ROR1: variants seen among roughly 807,000 people sequenced by gnomAD.
ROR1 encodes ROR family WNT receptor 1, also known as inactive tyrosine-protein kinase transmembrane receptor ROR1.
A neutral mutation model predicts 78.8 loss-of-function variants in ROR1; 19 were observed. The observed-to-expected ratio is 0.24, with a 90% CI of 0.17 to 0.35. ROR1 has a LOEUF of 0.35. ROR1 is among the 10% of genes least tolerant of loss of function. The pLI is 1.00. For missense variants in ROR1, 917 were observed against 1,177.8 expected, an observed-to-expected ratio of 0.78 and a Z score of 3.24; for synonymous variants, 386 against 433.6, an observed-to-expected ratio of 0.89 and a Z score of 1.36.
rs199711517 is a variant in ROR1 at position 64,178,439 on chromosome 1, G to T, written c.2398G>T (p.Gly800Cys). Residue 800 changes from glycine to cysteine, a missense_variant, in exon 9 of 9, where the codon GGC (glycine) becomes TGC (cysteine). By Grantham distance (159) the Gly-to-Cys change is radical (BLOSUM62 -3). This residue lies in a region of ROR1 where 835 missense variants were observed against 1,069.8 expected (regional missense o/e 0.78). Transcript: ENST00000371079. The surrounding 1 kb of genome is among the most constrained non-coding windows in gnomAD (Gnocchi z 4.3). ...CCCGAGCCAGGGTATTACACCACAG[G>T]GCCAGATTGCTGGTTTCATTGGCCC... is the stretch of plus-strand genomic sequence containing the variant. The part of the protein sequence containing the change: ...MFPSQGITPQ[G>C]QIAGFIGPPI... The T allele has an allele frequency of 5.6e-6, 9 of 1,614,148 alleles. No homozygotes were observed. The highest frequency in any genetic ancestry group is 1.7e-5 in the Admixed American group (1 of 60,016).
Position 64,111,345 on chromosome 1 carries a change from G to C in ROR1, c.483-26024G>C, listed in dbSNP as rs577185572. 5.9e-5 allele frequency: 9 copies of C among 152,298 alleles called. 2 individuals carry two copies. The highest frequency in any genetic ancestry group is 1.9e-4 in the African/African-American group (8 of 41,570). 9.4% of individuals were successfully genotyped at this position (152,298 alleles called of 1,614,324 possible). On this transcript the variant is annotated intron_variant, in intron 4 of 8. Coordinates refer to ENST00000371079, the MANE Select transcript of ROR1 (RefSeq NM_005012.4). Reference sequence around the variant, plus strand: ...CAGGAAATCTGTGTCTCAGCCCCCTGCTCCAAGTTTAGCTCATCCATTACC... The same window carrying C: ...CAGGAAATCTGTGTCTCAGCCCCCTCCTCCAAGTTTAGCTCATCCATTACC...
chr1:63,834,540 T>C (rs1335021884), intron 1 of ROR1, among the ~76,000 whole-genome samples: 1 of 152,230 alleles, frequency 6.6e-6, no homozygotes, highest in Non-Finnish European at 1.5e-5. Context: ...AGCTCTTCTG[T>C]TCTGATGCTT....
chr1:63,897,248 A>G (rs1018149521), intron 1 of ROR1, among the ~76,000 whole-genome samples: 2 of 152,238 alleles, frequency 1.3e-5, no homozygotes, highest in Non-Finnish European at 2.9e-5. Context: ...AACCTTCGAC[A>G]AAATAAAAGG....
intron 1 of ROR1, among the ~76,000 whole-genome samples, chr1:63,934,693 C>T (rs898891195): frequency 6.6e-6 from 1 of 152,034 alleles, no homozygotes; most frequent in African/African-American, 2.4e-5. Context: ...TCAGGGTTTC[C>T]TTTTTTTAAA....
chr1:63,774,456 C>A lies in ROR1; in HGVS notation c.39C>A (p.Leu13=). 4.3e-6 allele frequency: 5 copies of A among 1,173,302 alleles called. No homozygotes were observed. Among genetic ancestry groups the A allele is most frequent in the East Asian group, 4.1e-5 (1 of 24,170 alleles). 72.7% of individuals were successfully genotyped at this position (1,173,302 alleles called of 1,614,324 possible). A position where few individuals can be genotyped will look rare whatever the true frequency, so the allele number is the denominator to read the frequency against. Reference sequence around the variant, plus strand: ...GCCGCCGCGGGACGCGCCCGCCGCTCCTGGCGCTGCTGGCCGCGCTGCTGC... The same window carrying A: ...GCCGCCGCGGGACGCGCCCGCCGCTACTGGCGCTGCTGGCCGCGCTGCTGC... ...RPRRRGTRPP[L]LALLAALLLA... Residue 13 remains leucine (L), a synonymous_variant, in exon 1 of 9, where the codon CTC becomes CTA. Transcript: ENST00000371079. This position sits in a 1 kb window ranked among gnomAD's most constrained non-coding sequence, Gnocchi z 5.7.
chr1:64,081,768 C>CAAAAA (rs55945635), intron 4 of ROR1, among the ~76,000 whole-genome samples: 4 of 98,938 alleles, frequency 4.0e-5, no homozygotes, highest in African/African-American at 4.2e-5. Flanking sequence ...GAGACACTGT[C>CAAAAA]AAAAAAAAAA....
chr1:63,832,959 G>T (rs1221094240), intron 1 of ROR1, among the ~76,000 whole-genome samples: 1 of 152,094 alleles, frequency 6.6e-6, no homozygotes, highest in Non-Finnish European at 1.5e-5. Flanking sequence ...CTGATAACCA[G>T]CCCCCCACCC....
At chr1:63,903,460 T>C (rs1645502245) in intron 1 of ROR1, among the ~76,000 whole-genome samples, 1 of 152,030 alleles carries the variant, frequency 6.6e-6, no homozygotes, top group African/African-American at 2.4e-5. Context: ...ACTTCACTGA[T>C]TTTATTTATG....
chr1:64,030,796 A>C (rs889563918), intron 2 of ROR1, among the ~76,000 whole-genome samples: 1 of 152,210 alleles, frequency 6.6e-6, no homozygotes, highest in Non-Finnish European at 1.5e-5. Flanking sequence ...ATATATTAGA[A>C]AACTTATATT....
At chr1:64,158,516 C>G (rs1203334374) in intron 7 of ROR1, among the ~76,000 whole-genome samples, 1 of 152,160 alleles carries the variant, frequency 6.6e-6, no homozygotes, top group African/African-American at 2.4e-5. Flanking sequence ...AGGCTTGGCC[C>G]CATAAGTCCA....
chr1:63,971,084 G>T (rs1646116384), intron 1 of ROR1, among the ~76,000 whole-genome samples: 1 of 152,170 alleles, frequency 6.6e-6, no homozygotes, highest in African/African-American at 2.4e-5. Context: ...TCCCCTCTAA[G>T]CCCTCTGTGA....
chr1:64,039,492 T>G (rs1476505352), intron 2 of ROR1, among the ~76,000 whole-genome samples: 1 of 152,184 alleles, frequency 6.6e-6, no homozygotes. Context: ...GGCAAGCCAC[T>G]GCCTAAGAGT....
chr1:64,178,271 G>T lies in ROR1; in HGVS notation c.2230G>T (p.Val744Phe). The T allele has an allele frequency of 6.2e-7, 1 of 1,614,036 alleles. No individual in the cohort carries two copies. The highest frequency in any genetic ancestry group is 8.5e-7 in the Non-Finnish European group (1 of 1,179,992). ...GAGACCAAGATTTAAAGATATTCACGTCCGGCTTCGGTCCTGGGAGGGACT... is the reference window on the plus strand; with the variant it reads ...GAGACCAAGATTTAAAGATATTCACTTCCGGCTTCGGTCCTGGGAGGGACT... Reference protein sequence around the residue: ...SRRPRFKDIHVRLRSWEGLSS... With the variant: ...SRRPRFKDIHFRLRSWEGLSS... The change falls in exon 9 of 9, where the codon GTC becomes TTC. Residue 744 changes from valine to phenylalanine, a missense_variant. Val to Phe is a conservative substitution (Grantham distance 50). Around this residue, in one of 3 missense-constraint regions of ROR1, gnomAD observed 835 missense variants for 1,069.8 expected, o/e 0.78. Coordinates refer to ENST00000371079, the MANE Select transcript of ROR1 (RefSeq NM_005012.4). This position sits in a 1 kb window ranked among gnomAD's most constrained non-coding sequence, Gnocchi z 4.3.
At chr1:64,177,276 C>T (rs573051336) in intron 8 of ROR1, 152 bp from the exon 9 acceptor site, 2 of 630,052 alleles carry the variant, frequency 3.2e-6, no homozygotes, top group East Asian at 2.8e-5. Flanking sequence ...CCCTGAGTTG[C>T]AGCCAACGAT....
intron 4 of ROR1, among the ~76,000 whole-genome samples, chr1:64,090,258 G>A (rs1039141937): frequency 6.6e-6 from 1 of 152,104 alleles, no homozygotes; most frequent in African/African-American, 2.4e-5. Context: ...GTTCATTCAA[G>A]GAACACTGAC....
At chr1:64,158,653 G>A (rs190253163) in intron 7 of ROR1, among the ~76,000 whole-genome samples, 21 of 152,326 alleles carry the variant, frequency 1.4e-4, no homozygotes, top group African/African-American at 4.1e-4. Flanking sequence ...GTCCATTCAC[G>A]TGGCGTTTAA....
chr1:63,974,046 G>A (rs1489078670), intron 1 of ROR1, among the ~76,000 whole-genome samples: 1 of 152,144 alleles, frequency 6.6e-6, no homozygotes, highest in East Asian at 1.9e-4. Context: ...TATTGCTTAA[G>A]TAAAGGCTAA....
intron 7 of ROR1, among the ~76,000 whole-genome samples, chr1:64,151,545 G>A (rs1485758234): frequency 2.6e-5 from 4 of 152,006 alleles, no homozygotes; most frequent in South Asian, 4.2e-4. Context: ...ACTTTAAATC[G>A]CTTCATAAGA....
intron 2 of ROR1, among the ~76,000 whole-genome samples, chr1:64,021,849 T>C (rs967656631): frequency 2.0e-5 from 3 of 152,126 alleles, no homozygotes; most frequent in Non-Finnish European, 4.4e-5. Flanking sequence ...ACTCTTATAG[T>C]CAGATAAAAA....
Sources: allele counts gnomAD v4.1 joint callset (sites outside exome capture counted in the v4.1 genomes callset), GRCh38; gene constraint gnomAD v4.1.1; regional missense constraint gnomAD v4.1.1; non-coding constraint Gnocchi (gnomAD v3.1); transcripts MANE v1.5; gene names NCBI Gene and HGNC (gene_info 2026-07-23, HGNC 2026-07-21).